IPCEF1: variants seen among roughly 807,000 people sequenced by gnomAD.
IPCEF1 encodes interaction protein for cytohesin exchange factors 1.
In IPCEF1, 31 loss-of-function variants were observed where a neutral mutation model predicts 50.9. That is an observed-to-expected ratio of 0.61 (90% CI 0.46 to 0.82). The LOEUF (loss-of-function observed/expected upper bound fraction) is 0.82, where lower values mean the gene tolerates loss of function less well. Among genes scored for constraint, IPCEF1 ranks in the 40% least tolerant of loss-of-function variants. IPCEF1 has a pLI of 0.00. For missense variants in IPCEF1, 458 were observed against 514.0 expected, an observed-to-expected ratio of 0.89 and a Z score of 1.05; for synonymous variants, 181 against 192.0, an observed-to-expected ratio of 0.94 and a Z score of 0.47.
At chr6:154,176,555 A>G (rs1164417743) in intron 10 of IPCEF1, among the ~76,000 whole-genome samples, 1 of 152,176 alleles carries the variant, frequency 6.6e-6, no homozygotes, top group African/African-American at 2.4e-5. Flanking sequence ...ATCATGAGTG[A>G]ACTCCCATTC....
chr6:154,313,067 CA>C (rs71021040), intron 1 of IPCEF1, among the ~76,000 whole-genome samples: 41 of 59,032 alleles, frequency 6.9e-4, no homozygotes, highest in South Asian at 2.0e-3. Flanking sequence ...GGCCCTGTCT[CA>C]AAAAAAAAAA....
chr6:154,258,529 C>A (rs1026499658), intron 3 of IPCEF1, among the ~76,000 whole-genome samples: 2 of 152,166 alleles, frequency 1.3e-5, no homozygotes, highest in African/African-American at 4.8e-5. Context: ...CACTGCCTAC[C>A]CAACGGTCCA....
chr6:154,155,142 A>G lies in IPCEF1; in HGVS notation c.*4686T>C, dbSNP rs1228768989. 2 of 152,208 alleles carry G rather than the reference A, an allele frequency of 1.3e-5. No homozygotes were observed. Among genetic ancestry groups the G allele is most frequent in the African/African-American group, 4.8e-5 (2 of 41,456 alleles). The allele number at this position is 152,208 out of a possible 1,614,324, so 9.4% of individuals were successfully genotyped here. A position where few individuals can be genotyped will look rare whatever the true frequency, so the allele number is the denominator to read the frequency against. ...AGGGAATTGCTTCCTGCCCCACGACACAGAGAAACGTGTGTCTGCTCAATG... is the reference window on the plus strand; with the variant it reads ...AGGGAATTGCTTCCTGCCCCACGACGCAGAGAAACGTGTGTCTGCTCAATG... On this transcript the variant is annotated 3_prime_UTR_variant, in exon 12 of 12. Transcript: ENST00000367220.
At chr6:154,342,771 G>A (rs141489416) in intron 1 of IPCEF1, among the ~76,000 whole-genome samples, 10 of 152,136 alleles carry the variant, frequency 6.6e-5, no homozygotes, top group African/African-American at 1.4e-4. Context: ...CTCCTTCCCC[G>A]TTTAAGGAAA....
At chr6:154,320,643 T>C (rs1294984680) in intron 1 of IPCEF1, among the ~76,000 whole-genome samples, 1 of 152,204 alleles carries the variant, frequency 6.6e-6, no homozygotes, top group African/African-American at 2.4e-5. Flanking sequence ...AGAGAACCAC[T>C]TCCTAGGATA....
chr6:154,288,676 C>CAAAAAAAAAAAAAAAAA (rs558703057), intron 2 of IPCEF1, among the ~76,000 whole-genome samples: 58 of 46,572 alleles, frequency 1.2e-3, no homozygotes, highest in East Asian at 2.2e-3. Context: ...ACAAAAAAAA[C>CAAAAAAAAAAAAAAAAA]AAAAAAAAAA....
chr6:154,350,568 A>G (rs191187757), intron 1 of IPCEF1, among the ~76,000 whole-genome samples: 151 of 152,378 alleles, frequency 9.9e-4, no homozygotes, highest in African/African-American at 3.6e-3. Context: ...TGCCAGCAAT[A>G]CAGATGGGCT....
At chr6:154,273,005 T>C (rs1781936204) in intron 2 of IPCEF1, among the ~76,000 whole-genome samples, 2 of 152,268 alleles carry the variant, frequency 1.3e-5, no homozygotes, top group Non-Finnish European at 2.9e-5. Context: ...CCATGCCTAA[T>C]GTTTTACACA....
At chr6:154,223,114 T>C in intron 6 of IPCEF1, 56 bp downstream of exon 6, 1 of 1,317,586 alleles carries the variant, frequency 7.6e-7, no homozygotes, top group Non-Finnish European at 1.1e-6. Context: ...TTGGTGAACA[T>C]TATGAAGAGA....
At position 154,281,374 on chromosome 6, in the gene IPCEF1, T is replaced by A. The variant is rs1583941245; in HGVS notation, c.-18+8339A>T. Reference sequence around the variant, plus strand: ...TCTCGAAAAAAAAAAAAATTTTTTTTAAAGTAGCCTTGTGTGGTGGTGCAT... The same window carrying A: ...TCTCGAAAAAAAAAAAAATTTTTTTAAAAGTAGCCTTGTGTGGTGGTGCAT... On this transcript the variant is annotated intron_variant, in intron 2 of 11. Coordinates refer to ENST00000367220, the MANE Select transcript of IPCEF1 (RefSeq NM_001130700.2). Among the ~76,000 whole-genome samples, 3 of 151,392 alleles carry A rather than the reference T, an allele frequency of 2.0e-5. No homozygotes were observed. In the East Asian group the frequency reaches 5.8e-4, roughly 29 times the overall value.
chr6:154,226,379 AC>A (rs1186878245), intron 5 of IPCEF1, among the ~76,000 whole-genome samples: 9 of 152,108 alleles, frequency 5.9e-5, no homozygotes, highest in African/African-American at 1.9e-4. Flanking sequence ...TCATTATCTT[AC>A]TCCATAAAAT....
At chr6:154,312,369 CAA>C (rs936916775) in intron 1 of IPCEF1, among the ~76,000 whole-genome samples, 1 of 151,690 alleles carries the variant, frequency 6.6e-6, no homozygotes, top group Admixed American at 6.6e-5. Flanking sequence ...TTTTTTGAGA[CAA>C]AGTCTTGCTC....
intron 1 of IPCEF1, among the ~76,000 whole-genome samples, chr6:154,331,799 A>G (rs1010560773): frequency 6.6e-6 from 1 of 152,102 alleles, no homozygotes; most frequent in East Asian, 1.9e-4. Context: ...AGCCCCTCCC[A>G]AGTGCTGAAA....
rs550499281 is a variant in IPCEF1, at chr6:154,219,377, A to C, written c.392+1880T>G. Among the ~76,000 whole-genome samples, 6 of 152,300 alleles carry C rather than the reference A, an allele frequency of 3.9e-5. 1 individual carries two copies. Among genetic ancestry groups the C allele is most frequent in the African/African-American group, 1.4e-4 (6 of 41,560 alleles). On this transcript the variant is annotated intron_variant, in intron 7 of 11. Coordinates refer to ENST00000367220, the MANE Select transcript of IPCEF1 (RefSeq NM_001130700.2). The stretch of plus-strand genomic sequence containing the variant: ...ACAGAATGAGTGGGAAGGACGGGCC[A>C]AGGATGGAAGCTGGAGCTACAAGGC...
chr6:154,191,916 T>G (rs934889567), intron 10 of IPCEF1, among the ~76,000 whole-genome samples: 1 of 152,032 alleles, frequency 6.6e-6, no homozygotes, highest in Non-Finnish European at 1.5e-5. Flanking sequence ...TTAAGCCTAT[T>G]AATTTCAAAA....
At chr6:154,306,369 T>C (rs1782932867) in intron 1 of IPCEF1, among the ~76,000 whole-genome samples, 1 of 152,160 alleles carries the variant, frequency 6.6e-6, no homozygotes, top group South Asian at 2.1e-4. Flanking sequence ...TTATTTTAGT[T>C]TGAATTGTTT....
chr6:154,346,205 GATTTTAC>G (rs1215569576), intron 1 of IPCEF1, among the ~76,000 whole-genome samples: 3 of 152,062 alleles, frequency 2.0e-5, no homozygotes, highest in Admixed American at 6.6e-5. Flanking sequence ...AAACATTGAA[GATTTTAC>G]ATCAAAATGT....
intron 10 of IPCEF1, among the ~76,000 whole-genome samples, chr6:154,199,263 G>C (rs1776885031): frequency 6.6e-6 from 1 of 152,236 alleles, no homozygotes; most frequent in Non-Finnish European, 1.5e-5. Flanking sequence ...CCCAGAGAAA[G>C]TGGCTGATCT....
intron 2 of IPCEF1, among the ~76,000 whole-genome samples, chr6:154,275,175 T>G (rs1782024848): frequency 6.6e-6 from 1 of 152,130 alleles, no homozygotes; most frequent in Non-Finnish European, 1.5e-5. Flanking sequence ...CCAGTTACTC[T>G]AAGATCCAAG....
Sources: allele counts gnomAD v4.1 joint callset (sites outside exome capture counted in the v4.1 genomes callset), GRCh38; gene constraint gnomAD v4.1.1; transcripts MANE v1.5; gene names NCBI Gene and HGNC (gene_info 2026-07-23, HGNC 2026-07-21).